PDE7B: variants seen among roughly 807,000 people sequenced by gnomAD.
PDE7B encodes phosphodiesterase 7B.
In PDE7B, 29 loss-of-function variants were observed where a neutral mutation model predicts 56.2. The ratio of observed to expected loss-of-function variants is 0.52; its 90% CI spans 0.38 to 0.70. PDE7B has a LOEUF of 0.70. PDE7B is among the 30% of genes least tolerant of loss of function. The pLI is 0.00. For synonymous variants in PDE7B, 197 were observed against 196.9 expected, an observed-to-expected ratio of 1.00 and a Z score of 0.00; for missense variants, 490 against 565.0, an observed-to-expected ratio of 0.87 and a Z score of 1.35.
chr6:136,142,990 A>T (rs1213564821), intron 3 of PDE7B, among the ~76,000 whole-genome samples: 1 of 152,152 alleles, frequency 6.6e-6, no homozygotes, highest in East Asian at 1.9e-4. Context: ...TGATCCTGTC[A>T]TTATGATGTT....
At position 136,093,706 on chromosome 6, in the gene PDE7B, G is replaced by A. The variant is rs558126732; in HGVS notation, c.83-15025G>A. Among the ~76,000 whole-genome samples the A allele has an allele frequency of 2.0e-5, 3 of 152,020 alleles. No individual in the cohort carries two copies. The East Asian group carries it at 5.8e-4, about 29-fold the overall frequency. The stretch of plus-strand genomic sequence containing the variant: ...CTGGGAGCCATGAGCAGAGAGAGAA[G>A]GGGGCACAGTAACAGGACTTGCCAC... On this transcript the variant is annotated intron_variant, in intron 2 of 12. Coordinates refer to ENST00000308191, the MANE Select transcript of PDE7B (RefSeq NM_018945.4).
chr6:136,055,935 T>C (rs1776720344), intron 2 of PDE7B, among the ~76,000 whole-genome samples: 2 of 152,070 alleles, frequency 1.3e-5, no homozygotes, highest in East Asian at 1.9e-4. Flanking sequence ...TCCTGCAAGA[T>C]AAGGAAGGAG....
chr6:136,069,890 T>G (rs1777017030), intron 2 of PDE7B, among the ~76,000 whole-genome samples: 2 of 152,136 alleles, frequency 1.3e-5, no homozygotes, highest in South Asian at 4.1e-4. Flanking sequence ...TGTCTATTGA[T>G]CAATGAAACT....
chr6:135,934,754 A>ATT lies in PDE7B; in HGVS notation c.22-12705_22-12704dup, dbSNP rs1249866082. Among the ~76,000 whole-genome samples, 41 of 115,110 alleles carry ATT rather than the reference A, an allele frequency of 3.6e-4. 2 individuals carry two copies. The East Asian group carries it at 7.8e-3, about 22-fold the overall frequency. 75.5% of individuals were successfully genotyped at this position (115,110 alleles called of 152,430 possible). A position where few individuals can be genotyped will look rare whatever the true frequency, so the allele number is the denominator to read the frequency against. On this transcript the variant is annotated intron_variant, in intron 1 of 12. Coordinates refer to ENST00000308191, the MANE Select transcript of PDE7B (RefSeq NM_018945.4). ...CAAAAAAAAAAATATATATATATAT[A>ATT]TTTTTTAAATATATATATATATTTA...
chr6:135,926,175 C>T (rs566077794), intron 1 of PDE7B, among the ~76,000 whole-genome samples: 1 of 151,022 alleles, frequency 6.6e-6, no homozygotes, highest in Non-Finnish European at 1.5e-5. Flanking sequence ...CAAGCTCCGC[C>T]TCCTGGGTTC....
intron 3 of PDE7B, chr6:136,117,211 T>G (rs1777848013): frequency 6.6e-6 from 1 of 152,150 alleles, no homozygotes; most frequent in African/African-American, 2.4e-5. Context: ...AGAAGTAAAT[T>G]AAGTTTTTTT....
chr6:136,057,256 C>G (rs1776752439), intron 2 of PDE7B, among the ~76,000 whole-genome samples: 1 of 152,200 alleles, frequency 6.6e-6, no homozygotes, highest in African/African-American at 2.4e-5. Flanking sequence ...TCAGGAAGCA[C>G]TAACTCAATT....
rs141699886 is a variant in PDE7B at position 136,057,399 on chromosome 6, C to A, written c.83-51332C>A. Among the ~76,000 whole-genome samples, 501 of 152,260 alleles carry A rather than the reference C, an allele frequency of 3.3e-3. 2 individuals carry two copies. The highest frequency in any genetic ancestry group is 0.011 in the African/African-American group (475 of 41,562). ...TGAAAGTATCCTTCTATTTTTTAAT[C>A]AAACTCTCACCCATTATACATCAAA... On this transcript the variant is annotated intron_variant, in intron 2 of 12. Coordinates refer to ENST00000308191, the MANE Select transcript of PDE7B (RefSeq NM_018945.4).
At chr6:136,045,837 C>T (rs4475338) in intron 2 of PDE7B, among the ~76,000 whole-genome samples, 8,822 of 151,486 alleles carry the variant, frequency 0.058, 316 homozygotes, top group Admixed American at 0.091. Flanking sequence ...GTAAATCTTC[C>T]GTAAAGGTAT....
At chr6:135,903,168 G>A (rs1352094755) in intron 1 of PDE7B, among the ~76,000 whole-genome samples, 1 of 152,178 alleles carries the variant, frequency 6.6e-6, no homozygotes, top group East Asian at 1.9e-4. Flanking sequence ...AGATAAGGGA[G>A]GGAATTCAGA....
rs376090888 is a variant in PDE7B, at chr6:135,979,606, G to A, written c.82+32082G>A. On this transcript the variant is annotated intron_variant, in intron 2 of 12. Coordinates refer to ENST00000308191, the MANE Select transcript of PDE7B (RefSeq NM_018945.4). ...CAACTTCTTCCTGGATTAGTCTTGG[G>A]AGAGTGTATGTGTAAAAATCACAAG... Among the ~76,000 whole-genome samples, 12 of 152,170 alleles carry A rather than the reference G, an allele frequency of 7.9e-5. No individual in the cohort carries two copies. The East Asian group carries it at 1.2e-3, about 15-fold the overall frequency.
intron 6 of PDE7B, among the ~76,000 whole-genome samples, chr6:136,152,004 G>A (rs2128447385): frequency 6.6e-6 from 1 of 152,208 alleles, no homozygotes; most frequent in East Asian, 1.9e-4. Flanking sequence ...TCATCAAGTG[G>A]ATGTGGATCA....
chr6:136,075,163 G>A (rs1777109679), intron 2 of PDE7B, among the ~76,000 whole-genome samples: 1 of 152,130 alleles, frequency 6.6e-6, no homozygotes, highest in Non-Finnish European at 1.5e-5. Context: ...TCTCTTGGGT[G>A]CTTTCCTTCT....
chr6:136,118,680 T>G (rs939406430), intron 3 of PDE7B, among the ~76,000 whole-genome samples: 4 of 152,204 alleles, frequency 2.6e-5, no homozygotes, highest in African/African-American at 4.8e-5. Flanking sequence ...TATATGAATT[T>G]TAATATTCAA....
chr6:136,015,979 T>C (rs891251910), intron 2 of PDE7B, among the ~76,000 whole-genome samples: 1 of 152,220 alleles, frequency 6.6e-6, no homozygotes, highest in Non-Finnish European at 1.5e-5. Context: ...GAAAAGATGA[T>C]GTTTTTCACT....
rs1426726462 is a variant in PDE7B at position 136,155,775 on chromosome 6, T to A, written c.711+17T>A. ...CTATATCAGGTAAGGGAGCCCAACCTGGAGCCAGCCACAGTATGGTCAATC... is the reference window on the plus strand; with the variant it reads ...CTATATCAGGTAAGGGAGCCCAACCAGGAGCCAGCCACAGTATGGTCAATC... On this transcript the variant is annotated intron_variant, in intron 8 of 12. Coordinates refer to ENST00000308191, the MANE Select transcript of PDE7B (RefSeq NM_018945.4). The A allele has an allele frequency of 6.2e-7, 1 of 1,613,566 alleles. No individual in the cohort carries two copies. Among genetic ancestry groups the A allele is most frequent in the Non-Finnish European group, 8.5e-7 (1 of 1,179,554 alleles).
At chr6:136,030,341 A>C (rs1463855179) in intron 2 of PDE7B, among the ~76,000 whole-genome samples, 1 of 152,250 alleles carries the variant, frequency 6.6e-6, no homozygotes, top group African/African-American at 2.4e-5. Context: ...TGCTTCTGGC[A>C]TCATTTTCCC....
At chr6:135,944,910 C>T (rs967451858) in intron 1 of PDE7B, among the ~76,000 whole-genome samples, 3 of 152,096 alleles carry the variant, frequency 2.0e-5, no homozygotes, top group Non-Finnish European at 2.9e-5. Context: ...GGACTTTTTC[C>T]ATAGCAAATG....
chr6:136,123,280 C>T (rs1777969142), intron 3 of PDE7B, among the ~76,000 whole-genome samples: 1 of 152,134 alleles, frequency 6.6e-6, no homozygotes, highest in Admixed American at 6.5e-5. Context: ...CATTTGAGCC[C>T]AGGAGTTCAA....
Sources: allele counts gnomAD v4.1 joint callset (sites outside exome capture counted in the v4.1 genomes callset), GRCh38; gene constraint gnomAD v4.1.1; transcripts MANE v1.5; gene names NCBI Gene and HGNC (gene_info 2026-07-23, HGNC 2026-07-21).